UEVLD: variants seen among roughly 807,000 people sequenced by gnomAD.
UEVLD encodes the protein UEV and lactate/malate dehyrogenase domains.
A neutral mutation model predicts 58.6 loss-of-function variants in UEVLD; 47 were observed. The ratio of observed to expected loss-of-function variants is 0.80; its 90% confidence interval spans 0.63 to 1.02. UEVLD has a LOEUF of 1.02. Among genes scored for constraint, UEVLD ranks in the 50% least tolerant of loss-of-function variants. The pLI is 0.00. For missense variants in UEVLD, 510 were observed against 550.6 expected, an observed-to-expected ratio of 0.93 and a Z score of 0.74; for synonymous variants, 197 against 195.3, an observed-to-expected ratio of 1.01 and a Z score of -0.07.
intron 6 of UEVLD, among the ~76,000 whole-genome samples, chr11:18,561,435 G>C (rs1185166508): frequency 1.3e-5 from 2 of 151,352 alleles, no homozygotes; most frequent in African/African-American, 2.4e-5. Context: ...CATGTCAACT[G>C]AAAGTACAAA....
intron 7 of UEVLD, among the ~76,000 whole-genome samples, chr11:18,547,292 G>A (rs1337047598): frequency 2.0e-5 from 3 of 152,194 alleles, no homozygotes; most frequent in African/African-American, 7.2e-5. Flanking sequence ...TTGGGAGGCT[G>A]AGGCTGGTGG....
At chr11:18,583,498 C>T (rs1195363359) in intron 1 of UEVLD, among the ~76,000 whole-genome samples, 1 of 152,032 alleles carries the variant, frequency 6.6e-6, no homozygotes, top group Non-Finnish European at 1.5e-5. Flanking sequence ...GGATTACAGG[C>T]GTGAGCTACC....
At chr11:18,577,683 A>C (rs1852988885) in intron 2 of UEVLD, among the ~76,000 whole-genome samples, 1 of 152,152 alleles carries the variant, frequency 6.6e-6, no homozygotes, top group Admixed American at 6.6e-5. Context: ...CAGACTGGCC[A>C]ACATGGTGAA....
Position 18,532,182 on chromosome 11 carries a change from C to A in UEVLD, c.*138G>T, listed in dbSNP as rs1850583868. ...TAAGGATTTACATCACAAAGCTAAT[C>A]AAGAAACCCTCTACTTTAACCAAGC... On this transcript the variant is annotated 3_prime_UTR_variant, in exon 12 of 12. Coordinates refer to ENST00000396197, the MANE Select transcript of UEVLD (RefSeq NM_001040697.4). 2.6e-6 allele frequency: 2 copies of A among 760,150 alleles called. No individual in the cohort carries two copies. The highest frequency in any genetic ancestry group is 5.9e-5 in the East Asian group (2 of 33,856). 47.1% of individuals were successfully genotyped at this position (760,150 alleles called of 1,614,324 possible). A position where few individuals can be genotyped will look rare whatever the true frequency, so the allele number is the denominator to read the frequency against.
intron 1 of UEVLD, among the ~76,000 whole-genome samples, chr11:18,579,207 C>A (rs1853104873): frequency 6.6e-6 from 1 of 152,000 alleles, no homozygotes; most frequent in Admixed American, 6.6e-5. Flanking sequence ...TGTGGTAGGC[C>A]CTGAGCTCTG....
At chr11:18,588,523 G>A in intron 1 of UEVLD, 90 bp downstream of exon 1, 5 of 1,499,076 alleles carry the variant, frequency 3.3e-6, no homozygotes, top group East Asian at 4.7e-5. Flanking sequence ...TACAAGCCGG[G>A]AAACGCAAAA....
rs1565123734 is a variant in UEVLD at position 18,558,228 on chromosome 11, C to T, written c.715G>A (p.Asp239Asn). The T allele has an allele frequency of 6.2e-6, 10 of 1,609,928 alleles. No individual in the cohort carries two copies. Among genetic ancestry groups the T allele is most frequent in the Non-Finnish European group, 8.5e-6 (10 of 1,178,090 alleles). ...ACATCTTTAAGCAGAATAAACAGACCTTTGCTGATCTCCACATTAGGAAGG... is the reference window on the plus strand; with the variant it reads ...ACATCTTTAAGCAGAATAAACAGACTTTTGCTGATCTCCACATTAGGAAGG... ...FNLPNVEISKDLSASAHSKVV... is the reference protein window; with the variant it reads ...FNLPNVEISKNLSASAHSKVV... Residue 239 changes from aspartate to asparagine, a missense_variant and splice_region_variant, in exon 7 of 12, where the codon GAT becomes AAT. By Grantham distance (23) the Asp-to-Asn change is conservative. Coordinates refer to ENST00000396197, the MANE Select transcript of UEVLD (RefSeq NM_001040697.4).
chr11:18,550,010 T>A (rs1851460179), intron 7 of UEVLD, among the ~76,000 whole-genome samples: 1 of 147,800 alleles, frequency 6.8e-6, no homozygotes, highest in Non-Finnish European at 1.5e-5. Flanking sequence ...TTAGTAGAGA[T>A]GGGGTTTCAC....
At chr11:18,582,067 C>T (rs181822940) in intron 1 of UEVLD, among the ~76,000 whole-genome samples, 1 of 150,032 alleles carries the variant, frequency 6.7e-6, no homozygotes, top group African/African-American at 2.5e-5. Flanking sequence ...CCAAACACTA[C>T]ACAAATGTAC....
chr11:18,575,696 T>A (rs932832265), intron 2 of UEVLD, among the ~76,000 whole-genome samples: 1 of 152,216 alleles, frequency 6.6e-6, no homozygotes, highest in African/African-American at 2.4e-5. Flanking sequence ...TGACTTTTGG[T>A]GACTTTAATC....
intron 8 of UEVLD, among the ~76,000 whole-genome samples, chr11:18,545,755 G>T (rs921249791): frequency 2.0e-5 from 3 of 152,080 alleles, no homozygotes; most frequent in Non-Finnish European, 4.4e-5. Context: ...AAATTTTATT[G>T]TTAAATATAA....
intron 8 of UEVLD, among the ~76,000 whole-genome samples, chr11:18,545,074 A>ATCTATATATATT (rs1345787784): frequency 1.2e-5 from 1 of 84,572 alleles, no homozygotes; most frequent in African/African-American, 4.1e-5. Flanking sequence ...CTATATCTAT[A>ATCTATATATATT]TTTTTTTTTT....
chr11:18,571,648 G>C (rs1852617824), intron 3 of UEVLD, among the ~76,000 whole-genome samples: 1 of 152,140 alleles, frequency 6.6e-6, no homozygotes, highest in Non-Finnish European at 1.5e-5. Context: ...CAGATTTAAA[G>C]GAATTATATC....
At position 18,558,288 on chromosome 11, in the gene UEVLD, TCC is replaced by T. The variant is rs777807197; in HGVS notation, c.653_654del (p.Gly218AspfsTer2). ...TCAAGGTCCATCGTGGCTCCTTTAG[TCC>T]CTTCTGAGAGGTCTAAGAGGACAAG... Reference protein sequence around the residue: ...DRLVLLDLSEGTKGATMDLEI... With the variant: ...DRLVLLDLSEXTKGATMDLEI... On this transcript the variant is annotated frameshift_variant, in exon 7 of 12. Transcript: ENST00000396197. LOFTEE classifies it high-confidence loss of function. 8.1e-6 allele frequency: 13 copies of T among 1,613,568 alleles called. No individual in the cohort carries two copies. The highest frequency in any genetic ancestry group is 1.1e-5 in the Non-Finnish European group (13 of 1,179,814).
At chr11:18,568,521 G>A (rs2134030731) in intron 4 of UEVLD, among the ~76,000 whole-genome samples, 1 of 152,260 alleles carries the variant, frequency 6.6e-6, no homozygotes, top group East Asian at 1.9e-4. Context: ...AAAATTAAGA[G>A]TAAGATCCAT....
chr11:18,552,398 T>C (rs1428740180), intron 7 of UEVLD, among the ~76,000 whole-genome samples: 1 of 151,514 alleles, frequency 6.6e-6, no homozygotes. Context: ...AATACAAAAA[T>C]TAGCCAGGTG....
chr11:18,582,959 G>A (rs1853322013), intron 1 of UEVLD, among the ~76,000 whole-genome samples: 1 of 152,186 alleles, frequency 6.6e-6, no homozygotes, highest in Non-Finnish European at 1.5e-5. Flanking sequence ...GTCTCACCTT[G>A]TCGCCCAGGC....
intron 8 of UEVLD, among the ~76,000 whole-genome samples, chr11:18,546,388 C>G (rs927876163): frequency 2.0e-5 from 3 of 152,058 alleles, no homozygotes; most frequent in African/African-American, 4.8e-5. Context: ...TTAGTCATAA[C>G]AAGTAACTGG....
At chr11:18,558,161 A>G (rs1479680260) in intron 7 of UEVLD, 67 bp downstream of exon 7, 1 of 1,176,974 alleles carries the variant, frequency 8.5e-7, no homozygotes, top group East Asian at 2.4e-5. Flanking sequence ...GCTTTTCAGC[A>G]TTAACATTCT....
Sources: allele counts gnomAD v4.1 joint callset (sites outside exome capture counted in the v4.1 genomes callset), GRCh38; gene constraint gnomAD v4.1.1; transcripts MANE v1.5; gene names NCBI Gene and HGNC (gene_info 2026-07-23, HGNC 2026-07-21).